Variants in GALC observed in about 807,000 individuals in gnomAD.
GALC encodes galactosylceramidase.
Under a neutral mutation model 91.8 loss-of-function variants are expected in GALC, and 77 were observed. The ratio of observed to expected loss-of-function variants is 0.84; its 90% CI spans 0.70 to 1.01. GALC has a LOEUF of 1.01. Ranked by LOEUF, GALC falls within the 50% of genes least tolerant of loss-of-function variation. The pLI is 0.00. For synonymous variants in GALC, 357 were observed against 306.7 expected (o/e 1.16, Z -1.71); for missense variants, 882 against 855.9 (o/e 1.03, Z -0.38).
chr14:87,988,230 T>C (rs1434154323), intron 2 of GALC, 23 bp from the exon 3 acceptor site: 2 of 1,588,352 alleles, frequency 1.3e-6, no homozygotes, highest in Non-Finnish European at 1.7e-6. Flanking sequence ...GTAACAGTAT[T>C]AACATAGTGT....
intron 12 of GALC, among the ~76,000 whole-genome samples, chr14:87,948,757 G>A (rs188437926): frequency 1.5e-3 from 223 of 152,098 alleles, no homozygotes; most frequent in Admixed American, 2.2e-3. Context: ...ATTTTATTAT[G>A]CCATTCCTAG....
Position 87,945,524 on chromosome 14 carries a change from C to T in GALC, c.1670+29G>A, listed in dbSNP as rs138734014. The T allele has an allele frequency of 2.5e-4, 373 of 1,501,962 alleles. 1 individual carries two copies. In the African/African-American group the frequency reaches 4.6e-3, roughly 19 times the overall value. 93.0% of individuals were successfully genotyped at this position (1,501,962 alleles called of 1,614,324 possible). On this transcript the variant is annotated intron_variant, in intron 14 of 16. Coordinates refer to ENST00000261304, the MANE Select transcript of GALC (RefSeq NM_000153.4). ...GACAATATTACAAGGGTATTTCAGC[C>T]AGATCCACATTGAGAACATCAATCT... is the stretch of plus-strand genomic sequence containing the variant.
rs148708614 is a variant in GALC at position 87,976,761 on chromosome 14, C to T, written c.622-273G>A. ...TCCCAAGTAGCTGGGATTACAGGCA[C>T]GCGCCACCACGCCTGGCTAATTTTT... On this transcript the variant is annotated intron_variant, in intron 6 of 16. Transcript: ENST00000261304. The T allele has an allele frequency of 0.13, 48,255 of 379,412 alleles. 3,502 individuals carry two copies. The highest frequency in any genetic ancestry group is 0.16 in the Non-Finnish European group (31,594 of 198,878). 23.5% of individuals were successfully genotyped at this position (379,412 alleles called of 1,614,324 possible).
In GALC at chr14:87,950,688, ATTG is replaced by A; in HGVS notation, c.1219_1221del (p.Gln407del). The A allele has an allele frequency of 6.2e-7, 1 of 1,607,486 alleles. No homozygotes were observed. The highest frequency in any genetic ancestry group is 8.5e-7 in the Non-Finnish European group (1 of 1,174,964). On this transcript the variant is annotated inframe_deletion, in exon 11 of 17. Coordinates refer to ENST00000261304, the MANE Select transcript of GALC (RefSeq NM_000153.4). The stretch of plus-strand genomic sequence containing the variant: ...GATCCCTTAAGAACAAAGGTGGCAA[ATTG>A]TTGTGACACATTGAAATAAGGAAGA...
In GALC at chr14:87,984,606, T is replaced by G. The variant is rs1218810340; in HGVS notation, c.443-73A>C. The G allele has an allele frequency of 7.2e-6, 11 of 1,537,464 alleles. No individual in the cohort carries two copies. The East Asian group carries it at 2.5e-4, about 36-fold the overall frequency. On this transcript the variant is annotated intron_variant, in intron 4 of 16. Coordinates refer to ENST00000261304, the MANE Select transcript of GALC (RefSeq NM_000153.4). The stretch of plus-strand genomic sequence containing the variant: ...TGGCGCTATTGAAAATAAAACAAAT[T>G]TTTTTTAAGAAAAGCATTCAACTAG...
At chr14:87,941,334 G>C in intron 15 of GALC, 61 bp downstream of exon 15, 1 of 1,035,632 alleles carries the variant, frequency 9.7e-7, no homozygotes, top group Non-Finnish European at 1.5e-6. Context: ...ATAACAAGTA[G>C]GTGCTCAAAG....
chr14:87,950,023 G>A, intron 11 of GALC, 92 bp from the exon 12 acceptor site: 1 of 729,710 alleles, frequency 1.4e-6, no homozygotes, highest in East Asian at 2.5e-5. Flanking sequence ...ATGTACCAAT[G>A]ACAATATTAT....
chr14:87,955,800 T>C (rs1885513334), intron 10 of GALC, among the ~76,000 whole-genome samples: 1 of 151,942 alleles, frequency 6.6e-6, no homozygotes, highest in African/African-American at 2.4e-5. Context: ...ACTGAATGTA[T>C]TTAGCAAACA....
At chr14:87,960,664 A>G (rs1336303857) in intron 10 of GALC, among the ~76,000 whole-genome samples, 1 of 152,214 alleles carries the variant, frequency 6.6e-6, no homozygotes, top group Admixed American at 6.5e-5. Flanking sequence ...GGTTCTAGAA[A>G]TAAACCCTCA....
chr14:87,937,940 G>C (rs184285346), intron 16 of GALC, among the ~76,000 whole-genome samples: 8 of 149,612 alleles, frequency 5.3e-5, no homozygotes, highest in Non-Finnish European at 1.0e-4. Context: ...AAAAAAAAAA[G>C]TCATTTTTTC....
chr14:87,993,239 G>T (rs997796714), upstream of GALC: 2 of 1,543,474 alleles, frequency 1.3e-6, no homozygotes, highest in East Asian at 4.9e-5. Flanking sequence ...GCAGGAGGCC[G>T]CTGATGCTGA....
chr14:87,954,822 T>C (rs1885454474), intron 10 of GALC: 2 of 1,605,166 alleles, frequency 1.2e-6, no homozygotes, highest in Admixed American at 1.7e-5. Flanking sequence ...TAGAAACAGA[T>C]AAGAACAGGA....
At position 87,934,443 on chromosome 14, in the gene GALC, C is replaced by T. The variant is rs916468798; in HGVS notation, c.*289G>A. 13 of 1,316,362 alleles carry T rather than the reference C, an allele frequency of 9.9e-6. No individual in the cohort carries two copies. In the East Asian group the frequency reaches 3.7e-4, roughly 38 times the overall value. The allele number at this position is 1,316,362 out of a possible 1,614,324, so 81.5% of individuals were successfully genotyped here. On this transcript the variant is annotated 3_prime_UTR_variant, in exon 17 of 17. Coordinates refer to ENST00000261304, the MANE Select transcript of GALC (RefSeq NM_000153.4). ...TACCTCAGTGTTAGCAGCAAGGCTT[C>T]GAGGTCTGTACTACTCAAACCACTC...
At chr14:87,939,392 G>A (rs1338794838) in intron 16 of GALC, among the ~76,000 whole-genome samples, 1 of 151,880 alleles carries the variant, frequency 6.6e-6, no homozygotes, top group Middle Eastern at 3.4e-3. Flanking sequence ...GCACTGTCGA[G>A]CAGTAACTCA....
intron 10 of GALC, among the ~76,000 whole-genome samples, chr14:87,958,986 A>C (rs1031062339): frequency 6.6e-6 from 1 of 152,180 alleles, no homozygotes; most frequent in Non-Finnish European, 1.5e-5. Flanking sequence ...AAAATAGACA[A>C]AGGGGATGAC....
intron 10 of GALC, chr14:87,954,972 CA>C: frequency 4.8e-6 from 7 of 1,451,676 alleles, no homozygotes; most frequent in Non-Finnish European, 5.8e-6. Flanking sequence ...TTCTTCTCAA[CA>C]TTTTTGCAGA....
chr14:87,933,862 G>A lies in GALC; in HGVS notation c.*870C>T, dbSNP rs913311444. The A allele has an allele frequency of 3.9e-5, 33 of 840,420 alleles. No homozygotes were observed. The Admixed American group carries it at 4.3e-4, about 11-fold the overall frequency. The allele number at this position is 840,420 out of a possible 1,614,324, so 52.1% of individuals were successfully genotyped here. On this transcript the variant is annotated 3_prime_UTR_variant, in exon 17 of 17. Transcript: ENST00000261304. ...GTGCTCCCCTCCTTCCACACATAAG[G>A]AGAGAAAAGCATTCATCAGCTGTGT...
intron 6 of GALC, among the ~76,000 whole-genome samples, chr14:87,978,346 G>T (rs867400903): frequency 6.6e-6 from 1 of 152,116 alleles, no homozygotes; most frequent in Non-Finnish European, 1.5e-5. Flanking sequence ...CACTCCACCC[G>T]GCCTCTTTAT....
At chr14:87,987,103 A>G (rs920433025) in intron 3 of GALC, 3 of 445,046 alleles carry the variant, frequency 6.7e-6, no homozygotes, top group South Asian at 1.6e-5. Context: ...ATGAGTATAC[A>G]TATCCACTCT....
Sources: allele counts gnomAD v4.1 joint callset (sites outside exome capture counted in the v4.1 genomes callset), GRCh38; gene constraint gnomAD v4.1.1; transcripts MANE v1.5; gene names NCBI Gene and HGNC (gene_info 2026-07-23, HGNC 2026-07-21).